The following SUPT16H variants were observed in gnomAD, a reference collection of about 807,000 sequenced individuals.
The protein encoded by SUPT16H is SPT16 homolog, facilitates chromatin remodeling subunit.
SUPT16H carries 24 observed loss-of-function variants against 136.2 expected under a neutral mutation model. The ratio of observed to expected loss-of-function variants is 0.18; its 90% CI spans 0.13 to 0.25. The LOEUF (loss-of-function observed/expected upper bound fraction) is 0.25. Ranked by LOEUF, SUPT16H falls within the 10% of genes least tolerant of loss-of-function variation. The probability of loss-of-function intolerance (pLI) is 1.00; values close to 1 mark genes in which losing one functional copy is unlikely to be tolerated. For missense variants in SUPT16H, 623 were observed against 1,270.2 expected, an observed-to-expected ratio of 0.49 and a Z score of 7.74; for synonymous variants, 415 against 428.2, an observed-to-expected ratio of 0.97 and a Z score of 0.38.
intron 1 of SUPT16H, among the ~76,000 whole-genome samples, chr14:21,378,447 T>A (rs1347119536): frequency 1.3e-5 from 2 of 152,198 alleles, no homozygotes; most frequent in Non-Finnish European, 2.9e-5. Flanking sequence ...AACTACTTAT[T>A]TTACTAAAAA....
At chr14:21,367,441 CTA>C (rs764821338) in intron 7 of SUPT16H, among the ~76,000 whole-genome samples, 19 of 152,160 alleles carry the variant, frequency 1.2e-4, no homozygotes, top group Non-Finnish European at 2.2e-4. Context: ...AGGATCTAGA[CTA>C]TGAATGGGTA....
intron 9 of SUPT16H, 34 bp from the exon 10 acceptor site, chr14:21,364,973 G>A (rs1347223577): frequency 6.2e-7 from 1 of 1,610,572 alleles, no homozygotes; most frequent in Non-Finnish European, 8.5e-7. Context: ...GTCTGTGGCT[G>A]TGACAATGTG....
At chr14:21,382,236 T>G (rs186280538) in intron 1 of SUPT16H, among the ~76,000 whole-genome samples, 5 of 152,332 alleles carry the variant, frequency 3.3e-5, no homozygotes, top group African/African-American at 1.2e-4. Context: ...TTACATAGAT[T>G]TGGCTCATAA....
At chr14:21,361,284 C>A in intron 15 of SUPT16H, 71 bp from the exon 16 acceptor site, 17 of 1,393,296 alleles carry the variant, frequency 1.2e-5, no homozygotes, top group Non-Finnish European at 1.4e-5. Context: ...TTTACTTTAT[C>A]TTCTAAGCAG....
rs756542418 is a variant in SUPT16H at position 21,359,450 on chromosome 14, C to A, written c.2301+34G>T. ...TTGGATTTGGCCTCATCCTCCCTCA[C>A]TATCCTGCAAATACAATACTAAATT... On this transcript the variant is annotated intron_variant, in intron 19 of 25. Transcript: ENST00000216297. The A allele has an allele frequency of 5.6e-6, 9 of 1,606,292 alleles. 1 individual carries two copies. Among genetic ancestry groups the A allele is most frequent in the African/African-American group, 5.4e-5 (4 of 74,702 alleles).
rs567388562 is a variant in SUPT16H at position 21,359,252 on chromosome 14, G to A, written c.2301+232C>T. 2.0e-5 allele frequency among the ~76,000 whole-genome samples: 3 copies of A among 151,878 alleles called. No individual in the cohort carries two copies. In the East Asian group the frequency reaches 5.8e-4, roughly 29 times the overall value. On this transcript the variant is annotated intron_variant, in intron 19 of 25. Transcript: ENST00000216297. ...AGCTGGGACTACCACCACCCACCAC[G>A]CCCAGCTAATTTATGTATTTTTAGT...
intron 7 of SUPT16H, 109 bp from the exon 8 acceptor site, chr14:21,366,638 A>T: frequency 9.7e-7 from 1 of 1,032,750 alleles, no homozygotes; most frequent in Non-Finnish European, 1.4e-6. Flanking sequence ...TCAAAGTGTG[A>T]ACTAAACAGT....
At chr14:21,362,048 A>G in intron 15 of SUPT16H, 149 bp downstream of exon 15, 2 of 884,122 alleles carry the variant, frequency 2.3e-6, no homozygotes, top group East Asian at 2.8e-5. Flanking sequence ...AAAATAGTAC[A>G]AAGTCAAGAA....
chr14:21,353,628 T>TA, intron 24 of SUPT16H, 63 bp from the exon 25 acceptor site: 1 of 1,604,328 alleles, frequency 6.2e-7, no homozygotes. Context: ...ACAGAGTTCT[T>TA]AGTCTAAAAA....
intron 14 of SUPT16H, 129 bp downstream of exon 14, chr14:21,362,665 G>A: frequency 3.7e-6 from 4 of 1,079,426 alleles, no homozygotes; most frequent in Non-Finnish European, 1.3e-6. Context: ...CAAGAGGGAT[G>A]TCAGTAACTG....
rs1007967024 is a variant in SUPT16H, at chr14:21,363,229, T to C, written c.1395+4A>G. 6.2e-7 allele frequency: 1 copy of C among 1,614,144 alleles called. No individual in the cohort carries two copies. The highest frequency in any genetic ancestry group is 1.7e-5 in the Admixed American group (1 of 60,022). On this transcript the variant is annotated splice_donor_region_variant and intron_variant, in intron 12 of 25. Transcript: ENST00000216297. ...ATCAATGTAATTTAAAATAGTAAAC[T>C]TACTCTTGTTCTTTCTGTAAGTAAT...
At chr14:21,356,575 C>T (rs1482009907) in intron 22 of SUPT16H, among the ~76,000 whole-genome samples, 1 of 152,066 alleles carries the variant, frequency 6.6e-6, no homozygotes, top group Non-Finnish European at 1.5e-5. Context: ...ATAACCTCAT[C>T]TCTAGTAAAA....
intron 25 of SUPT16H, 102 bp downstream of exon 25, chr14:21,353,386 G>T (rs1886364843): frequency 8.5e-7 from 1 of 1,180,156 alleles, no homozygotes; most frequent in Non-Finnish European, 1.2e-6. Flanking sequence ...GTGTTCTTTT[G>T]TTACTTTCAT....
At chr14:21,360,559 A>C (rs1886530130) in intron 17 of SUPT16H, 26 bp from the exon 18 acceptor site, 1 of 1,590,122 alleles carries the variant, frequency 6.3e-7, no homozygotes, top group African/African-American at 1.3e-5. Flanking sequence ...AAGAAATGTC[A>C]AGCAGTATAA....
chr14:21,378,433 T>C (rs1314877872), intron 1 of SUPT16H, among the ~76,000 whole-genome samples: 4 of 152,172 alleles, frequency 2.6e-5, no homozygotes, highest in East Asian at 3.9e-4. Flanking sequence ...ACAATGTAAA[T>C]AGTAACTACT....
chr14:21,364,095 G>A (rs2139404168), intron 10 of SUPT16H, among the ~76,000 whole-genome samples: 1 of 152,316 alleles, frequency 6.6e-6, no homozygotes, highest in East Asian at 1.9e-4. Context: ...ACTTGTCTGT[G>A]CCTTCAATTT....
At chr14:21,377,295 A>G (rs535368310) in intron 1 of SUPT16H, among the ~76,000 whole-genome samples, 1 of 152,346 alleles carries the variant, frequency 6.6e-6, no homozygotes, top group East Asian at 1.9e-4. Flanking sequence ...TGCAATTTCA[A>G]AACAGAAGGG....
intron 22 of SUPT16H, 49 bp from the exon 23 acceptor site, chr14:21,354,589 T>C (rs1388219004): frequency 1.2e-6 from 2 of 1,600,286 alleles, no homozygotes; most frequent in Admixed American, 1.7e-5. Flanking sequence ...GTATTTTCCA[T>C]ATATTCTTTC....
In SUPT16H at chr14:21,352,198, C is replaced by G. The variant is rs1886324723; in HGVS notation, c.*475G>C. ...CAACCATTAGCAAATTTCCGAGAACCTTGAGTATTGCAAAGATAAAACTTA... is the reference window on the plus strand; with the variant it reads ...CAACCATTAGCAAATTTCCGAGAACGTTGAGTATTGCAAAGATAAAACTTA... On this transcript the variant is annotated 3_prime_UTR_variant, in exon 26 of 26. Transcript: ENST00000216297. 1 of 161,640 alleles carries G rather than the reference C, an allele frequency of 6.2e-6. No homozygotes were observed. Among genetic ancestry groups the G allele is most frequent in the Non-Finnish European group, 1.4e-5 (1 of 72,418 alleles). The allele number at this position is 161,640 out of a possible 1,614,324, so 10.0% of individuals were successfully genotyped here.
Sources: gnomAD v4.1 joint callset for allele counts (sites outside exome capture counted in the v4.1 genomes callset) on GRCh38, gnomAD v4.1.1 for gene constraint, MANE v1.5 for transcripts, NCBI Gene and HGNC (gene_info 2026-07-23, HGNC 2026-07-21) for gene names.